The following DOCK8 variants were observed in gnomAD, a reference collection of about 807,000 sequenced individuals.
DOCK8 encodes the protein dedicator of cytokinesis 8, also known as dedicator of cytokinesis protein 8.
Under a neutral mutation model 245.6 loss-of-function variants are expected in DOCK8, and 141 were observed. The ratio of observed to expected loss-of-function variants is 0.57; its 90% CI spans 0.50 to 0.66. The LOEUF is 0.66. Ranked by LOEUF, DOCK8 falls within the 30% of genes least tolerant of loss-of-function variation. DOCK8 has a pLI of 0.00. For synonymous variants in DOCK8, 1,168 were observed against 970.2 expected (o/e 1.20, Z -3.79); for missense variants, 2,965 against 2,603.4 (o/e 1.14, Z -3.02).
intron 1 of DOCK8, among the ~76,000 whole-genome samples, chr9:234,058 T>G (rs1255509656): frequency 6.6e-6 from 1 of 152,182 alleles, no homozygotes; most frequent in Non-Finnish European, 1.5e-5. Flanking sequence ...CCATGTTTGG[T>G]GCTTCCTTCA....
In DOCK8 at chr9:307,629, A is replaced by G. The variant is rs1422608659; in HGVS notation, c.528+2925A>G. ...CACCTTGGCCTCCCAAAGTGCTGGG[A>G]TTACAGGTGTGAGCCACCGCACCCG... is the stretch of plus-strand genomic sequence containing the variant. On this transcript the variant is annotated intron_variant, in intron 5 of 47. Coordinates refer to ENST00000432829, the MANE Select transcript of DOCK8 (RefSeq NM_203447.4). Among the ~76,000 whole-genome samples, 3 of 152,116 alleles carry G rather than the reference A, an allele frequency of 2.0e-5. No individual in the cohort carries two copies. In the East Asian group the frequency reaches 5.8e-4, roughly 29 times the overall value.
At chr9:342,055 G>A (rs1484157598) in intron 14 of DOCK8, among the ~76,000 whole-genome samples, 1 of 152,102 alleles carries the variant, frequency 6.6e-6, no homozygotes, top group Non-Finnish European at 1.5e-5. Context: ...ATTATTGTGA[G>A]TTATATAATT....
intron 27 of DOCK8, 35 bp from the exon 28 acceptor site, chr9:406,895 T>C (rs371294791): frequency 1.3e-4 from 202 of 1,613,872 alleles, no homozygotes; most frequent in Non-Finnish European, 1.6e-4. Context: ...TTCCAGTTCT[T>C]GTGGCTCATA....
At chr9:385,075 T>C (rs2053894424) in intron 22 of DOCK8, among the ~76,000 whole-genome samples, 1 of 152,218 alleles carries the variant, frequency 6.6e-6, no homozygotes, top group Non-Finnish European at 1.5e-5. Flanking sequence ...CTCATACCTG[T>C]TCCCAAAAGC....
intron 14 of DOCK8, chr9:366,124 G>T: frequency 6.1e-6 from 1 of 164,050 alleles, no homozygotes; most frequent in Non-Finnish European, 1.3e-5. Context: ...GTGCCTCCTG[G>T]CCTGAGCACC....
intron 36 of DOCK8, 40 bp from the exon 37 acceptor site, chr9:432,126 C>T (rs756883549): frequency 2.5e-6 from 4 of 1,591,924 alleles, no homozygotes; most frequent in Admixed American, 1.8e-5. Flanking sequence ...CTAAGTGTGT[C>T]TTATTTACTT....
chr9:267,986 T>A (rs1481468616), intron 1 of DOCK8: 1 of 152,234 alleles, frequency 6.6e-6, no homozygotes, highest in Non-Finnish European at 1.5e-5. Context: ...ATTACAGTAT[T>A]ACTTTCCAGA....
rs2056649195 is a variant in DOCK8, at chr9:429,958, A to T, written c.4626+104A>T. 3 of 1,384,840 alleles carry T rather than the reference A, an allele frequency of 2.2e-6. No individual in the cohort carries two copies. The Admixed American group carries it at 5.9e-5, about 27-fold the overall frequency. 85.8% of individuals were successfully genotyped at this position (1,384,840 alleles called of 1,614,324 possible). On this transcript the variant is annotated intron_variant, in intron 36 of 47. Transcript: ENST00000432829. ...AGGAAATTTTGCAGTATTGCAGTTT[A>T]CTTCTGTCCTGTGAGAAAGAAACAA...
intron 2 of DOCK8, among the ~76,000 whole-genome samples, chr9:283,153 G>C (rs956541945): frequency 2.0e-5 from 3 of 152,166 alleles, no homozygotes; most frequent in Non-Finnish European, 4.4e-5. Flanking sequence ...GTCTGCCTTG[G>C]TTTGAATTCC....
At chr9:424,701 C>A (rs1447608591) in intron 33 of DOCK8, among the ~76,000 whole-genome samples, 1 of 152,042 alleles carries the variant, frequency 6.6e-6, no homozygotes, top group East Asian at 1.9e-4. Flanking sequence ...TGAGCCACTG[C>A]GCCTGGTCAG....
rs770189184 is a variant in DOCK8, at chr9:332,547, C to G, written c.1125+69C>G. On this transcript the variant is annotated intron_variant, in intron 10 of 47. Coordinates refer to ENST00000432829, the MANE Select transcript of DOCK8 (RefSeq NM_203447.4). ...AGCAGGTATTTTCAGAAGTGTTACA[C>G]AAATAGTTAATGGGCTTTAGTCCCT... 3.8e-5 allele frequency: 41 copies of G among 1,070,456 alleles called. 1 individual carries two copies. In the Middle Eastern group the frequency reaches 8.2e-4, roughly 21 times the overall value. The allele number at this position is 1,070,456 out of a possible 1,614,324, so 66.3% of individuals were successfully genotyped here.
rs557503374 is a variant in DOCK8, at chr9:338,357, A to C, written c.1423-649A>C. Among the ~76,000 whole-genome samples the C allele has an allele frequency of 3.9e-5, 6 of 152,302 alleles. No homozygotes were observed. In the East Asian group the frequency reaches 9.6e-4, roughly 24 times the overall value. ...GCGCCTGTGCACCGTGCCACATCAT[A>C]GAAATAGTAAAGGTCTGAAAAGGTT... is the stretch of plus-strand genomic sequence containing the variant. On this transcript the variant is annotated intron_variant, in intron 12 of 47. Transcript: ENST00000432829.
At position 399,267 on chromosome 9, in the gene DOCK8, T is replaced by TGGGGGGGGGGGG; in HGVS notation, c.3234+8_3234+9insGGGGGGGGGGGG. The TGGGGGGGGGGGG allele has an allele frequency of 6.5e-7, 1 of 1,534,480 alleles. No individual in the cohort carries two copies. The highest frequency in any genetic ancestry group is 8.6e-7 in the Non-Finnish European group (1 of 1,156,102). On this transcript the variant is annotated intron_variant, in intron 26 of 47. Coordinates refer to ENST00000432829, the MANE Select transcript of DOCK8 (RefSeq NM_203447.4). ...AGACATTATTGCAGCCAGGTGAGTG[T>TGGGGGGGGGGGG]CCCCCCCACCCCCACCCCCGAGCGA... is the stretch of plus-strand genomic sequence containing the variant.
At chr9:252,766 C>G (rs1390892011) in intron 1 of DOCK8, among the ~76,000 whole-genome samples, 1 of 150,290 alleles carries the variant, frequency 6.7e-6, no homozygotes, top group Admixed American at 6.7e-5. Flanking sequence ...CCACTGCACT[C>G]CAGCCTGGGC....
rs1025504685 is a variant in DOCK8, at chr9:396,789, A to G, written c.2975A>G (p.Lys992Arg). ...TTCCTCCATCCCCCTCCGCAGGTGA[A>G]AAGCATGGCCCAGCACGTACATAAC... The part of the protein sequence containing the change: ...YAWFFFELLV[K>R]SMAQHVHNMD... Residue 992 changes from lysine to arginine, a missense_variant, in exon 25 of 48, where the codon AAA becomes AGA. Transcript: ENST00000432829. The G allele has an allele frequency of 2.5e-6, 4 of 1,613,996 alleles. No individual in the cohort carries two copies. The highest frequency in any genetic ancestry group is 1.3e-5 in the African/African-American group (1 of 74,900).
At chr9:442,587 A>G (rs1037306395) in intron 42 of DOCK8, among the ~76,000 whole-genome samples, 4 of 152,210 alleles carry the variant, frequency 2.6e-5, no homozygotes, top group African/African-American at 9.7e-5. Flanking sequence ...TTAGAAGCAA[A>G]GCTGAAAGCA....
At chr9:311,419 T>C (rs2050107634) in intron 5 of DOCK8, among the ~76,000 whole-genome samples, 1 of 115,694 alleles carries the variant, frequency 8.6e-6, no homozygotes, top group African/African-American at 3.9e-5. Context: ...TAAGTTTTGC[T>C]TTTTTTTTTT....
chr9:231,463 A>T (rs893368523), intron 1 of DOCK8, among the ~76,000 whole-genome samples: 23 of 152,114 alleles, frequency 1.5e-4, no homozygotes, highest in African/African-American at 5.6e-4. Flanking sequence ...CTTGATGCGG[A>T]TGGCTTGAAT....
intron 46 of DOCK8, 142 bp from the exon 47 acceptor site, chr9:463,374 AG>A: frequency 1.1e-6 from 1 of 888,850 alleles, no homozygotes; most frequent in Non-Finnish European, 1.7e-6. Context: ...CATTTTGAAA[AG>A]CTCCACAGGT....
Sources: gnomAD v4.1 joint callset for allele counts (sites outside exome capture counted in the v4.1 genomes callset) on GRCh38, gnomAD v4.1.1 for gene constraint, MANE v1.5 for transcripts, NCBI Gene and HGNC (gene_info 2026-07-23, HGNC 2026-07-21) for gene names.